The following CLDN10 variants were observed in gnomAD, a reference collection of about 807,000 sequenced individuals.
The protein encoded by CLDN10 is claudin 10.
Under a neutral mutation model 22.9 loss-of-function variants are expected in CLDN10, and 15 were observed. That is an observed-to-expected ratio of 0.65 (90% confidence interval 0.44 to 1.01). The LOEUF (loss-of-function observed/expected upper bound fraction) is 1.01, where lower values mean the gene tolerates loss of function less well. Ranked by LOEUF, CLDN10 falls within the 50% of genes least tolerant of loss-of-function variation. The pLI is 0.00. For missense variants in CLDN10, 247 were observed against 287.8 expected, an observed-to-expected ratio of 0.86 and a Z score of 1.03; for synonymous variants, 114 against 111.4, an observed-to-expected ratio of 1.02 and a Z score of -0.15.
At position 95,520,211 on chromosome 13, in the gene CLDN10, G is replaced by A. The variant is rs542005536; in HGVS notation, c.215-39921G>A. On this transcript the variant is annotated intron_variant, in intron 1 of 4. Coordinates refer to the CLDN10 transcript ENST00000376873. ...TTATTAATAAAGGCTCTTGGTCTACGTAGATTGATTTTAAGCAAAACTTCC... is the reference window on the plus strand; with the variant it reads ...TTATTAATAAAGGCTCTTGGTCTACATAGATTGATTTTAAGCAAAACTTCC... Among the ~76,000 whole-genome samples, 38 of 152,116 alleles carry A rather than the reference G, an allele frequency of 2.5e-4. 1 individual carries two copies. The highest frequency in any genetic ancestry group is 4.4e-4 in the Non-Finnish European group (30 of 68,030).
intron 1 of CLDN10, among the ~76,000 whole-genome samples, chr13:95,529,961 T>G (rs186816833): frequency 3.3e-5 from 5 of 152,296 alleles, no homozygotes; most frequent in Admixed American, 3.3e-4. Flanking sequence ...AGAAGGTCAC[T>G]TTCACTATTT....
At chr13:95,434,609 T>C (rs1259096147) in intron 1 of CLDN10, among the ~76,000 whole-genome samples, 1 of 146,296 alleles carries the variant, frequency 6.8e-6, no homozygotes, top group Admixed American at 6.7e-5. Context: ...GGTATCTATA[T>C]GAATATATAT....
rs1197920780 is a variant in CLDN10 at position 95,578,648 on chromosome 13, G to A, written c.*634G>A. On this transcript the variant is annotated 3_prime_UTR_variant, in exon 5 of 5. Coordinates refer to ENST00000299339, the MANE Select transcript of CLDN10 (RefSeq NM_006984.5). ...TCCACATGCCCATGGCCACTCAGTA[G>A]ATTGTTGAAAAAGCAAAGCCACACC... 6.6e-6 allele frequency: 1 copy of A among 152,214 alleles called. No individual in the cohort carries two copies. The highest frequency in any genetic ancestry group is 1.9e-4 in the East Asian group (1 of 5,202). 9.4% of individuals were successfully genotyped at this position (152,214 alleles called of 1,614,324 possible). A position where few individuals can be genotyped will look rare whatever the true frequency, so the allele number is the denominator to read the frequency against.
chr13:95,490,124 T>C (rs572762984), intron 1 of CLDN10, among the ~76,000 whole-genome samples: 48 of 152,338 alleles, frequency 3.2e-4, no homozygotes, highest in Non-Finnish European at 6.2e-4. Context: ...ACTATGGCTT[T>C]ATAGTATAGT....
chr13:95,560,174 G>T lies in CLDN10; in HGVS notation c.263G>T (p.Ser88Ile), dbSNP rs772986808. ...ACRGLMIAAV[S>I]LGFFGSIFAL... is the part of the protein sequence containing the mutation. ...AGAGGACTTATGATCGCTGCTGTCA[G>T]CCTGGGCTTCTTTGGTTCCATATTT... The change falls in exon 2 of 5, where the codon AGC becomes ATC. Residue 88 changes from serine to isoleucine, a missense_variant. Transcript: ENST00000299339. 12 of 1,614,188 alleles carry T rather than the reference G, an allele frequency of 7.4e-6. No individual in the cohort carries two copies. In the South Asian group the frequency reaches 1.3e-4, roughly 18 times the overall value.
chr13:95,543,620 AT>A (rs1360202687), intron 1 of CLDN10, among the ~76,000 whole-genome samples: 1 of 152,044 alleles, frequency 6.6e-6, no homozygotes, highest in Non-Finnish European at 1.5e-5. Flanking sequence ...CTATTAGTTT[AT>A]TTTTTCTATT....
chr13:95,537,222 C>T (rs2043409639), intron 1 of CLDN10, among the ~76,000 whole-genome samples: 1 of 152,090 alleles, frequency 6.6e-6, no homozygotes, highest in Non-Finnish European at 1.5e-5. Context: ...TTAAAGAATG[C>T]CTAATGAAGT....
intron 1 of CLDN10, among the ~76,000 whole-genome samples, chr13:95,516,181 T>C (rs968659107): frequency 3.3e-5 from 5 of 152,092 alleles, no homozygotes; most frequent in Non-Finnish European, 5.9e-5. Context: ...ACAAATGAAA[T>C]AGTAGGAAGG....
intron 1 of CLDN10, among the ~76,000 whole-genome samples, chr13:95,478,329 T>C (rs745613355): frequency 4.6e-5 from 7 of 151,866 alleles, no homozygotes; most frequent in African/African-American, 7.3e-5. Flanking sequence ...AGCAAGTAAA[T>C]AAATAAATAT....
chr13:95,531,410 G>A (rs1315382107), intron 1 of CLDN10, among the ~76,000 whole-genome samples: 1 of 152,138 alleles, frequency 6.6e-6, no homozygotes, highest in East Asian at 1.9e-4. Flanking sequence ...AGAAGCCATA[G>A]GGCATCAATT....
chr13:95,532,467 A>G (rs1331855594), intron 1 of CLDN10, among the ~76,000 whole-genome samples: 3 of 152,204 alleles, frequency 2.0e-5, no homozygotes, highest in Non-Finnish European at 4.4e-5. Flanking sequence ...ACCTACAAGA[A>G]TGGCTAAAAC....
At chr13:95,443,803 C>T (rs960951621) in intron 1 of CLDN10, among the ~76,000 whole-genome samples, 1 of 152,094 alleles carries the variant, frequency 6.6e-6, no homozygotes, top group South Asian at 2.1e-4. Flanking sequence ...GAAAGATGTG[C>T]TTGTGGGGGG....
At chr13:95,482,815 T>A (rs1030123633) in intron 1 of CLDN10, among the ~76,000 whole-genome samples, 1 of 151,924 alleles carries the variant, frequency 6.6e-6, no homozygotes, top group Non-Finnish European at 1.5e-5. Flanking sequence ...CCATCTCTAC[T>A]AAAAATACAA....
intron 1 of CLDN10, among the ~76,000 whole-genome samples, chr13:95,434,383 T>C (rs528233292): frequency 1.3e-5 from 2 of 152,004 alleles, no homozygotes; most frequent in Admixed American, 6.6e-5. Flanking sequence ...CACCCCTATG[T>C]AGGAAATGCT....
At chr13:95,510,961 G>T (rs908187731) in intron 1 of CLDN10, among the ~76,000 whole-genome samples, 2 of 152,050 alleles carry the variant, frequency 1.3e-5, no homozygotes, top group Non-Finnish European at 2.9e-5. Context: ...AAATGTTCAG[G>T]GTGTTGGAAA....
At chr13:95,539,173 C>A (rs2043434556) in intron 1 of CLDN10, among the ~76,000 whole-genome samples, 1 of 152,170 alleles carries the variant, frequency 6.6e-6, no homozygotes. Context: ...GCCACCGTGC[C>A]CAGCTGAACT....
intron 1 of CLDN10, among the ~76,000 whole-genome samples, chr13:95,485,209 A>T (rs2042793415): frequency 2.0e-5 from 3 of 152,118 alleles, no homozygotes; most frequent in Non-Finnish European, 1.5e-5. Context: ...TGGTTCCTGT[A>T]AGAGGATGTG....
At chr13:95,492,940 C>T (rs562454016) in intron 1 of CLDN10, among the ~76,000 whole-genome samples, 6 of 152,294 alleles carry the variant, frequency 3.9e-5, no homozygotes, top group East Asian at 1.9e-4. Flanking sequence ...ACAGACCTTC[C>T]GCTTCCCCAG....
rs543238402 is a variant in CLDN10 at position 95,451,381 on chromosome 13, C to T, written c.214+17334C>T. ...ATTTGTTATTCAAAGCCTTTTTAAT[C>T]TTCTAGCTAGAAGGGACTTTTGTCT... is the stretch of plus-strand genomic sequence containing the variant. On this transcript the variant is annotated intron_variant, in intron 1 of 4. Transcript: ENST00000376873. 3.3e-5 allele frequency among the ~76,000 whole-genome samples: 5 copies of T among 152,306 alleles called. No individual in the cohort carries two copies. The South Asian group carries it at 1.0e-3, about 32-fold the overall frequency.
Sources: gnomAD v4.1 joint callset for allele counts (sites outside exome capture counted in the v4.1 genomes callset) on GRCh38, gnomAD v4.1.1 for gene constraint, MANE v1.5 for transcripts, NCBI Gene and HGNC (gene_info 2026-07-23, HGNC 2026-07-21) for gene names.